C11orf58: variants seen among roughly 807,000 people sequenced by gnomAD.
C11orf58 encodes chromosome 11 open reading frame 58, also known as small acidic protein.
A neutral mutation model predicts 22.7 loss-of-function variants in C11orf58; 5 were observed. The ratio of observed to expected loss-of-function variants is 0.22; its 90% CI spans 0.12 to 0.46. The LOEUF is 0.46. C11orf58 is among the 20% of genes least tolerant of loss of function. The probability of loss-of-function intolerance (pLI) is 0.99; values close to 1 mark genes in which losing one functional copy is unlikely to be tolerated. For missense variants in C11orf58, 151 were observed against 223.3 expected (o/e 0.68, Z 2.06); for synonymous variants, 71 against 70.7 (o/e 1.00, Z -0.02).
intron 1 of C11orf58, among the ~76,000 whole-genome samples, 156 bp downstream of exon 1, chr11:16,738,997 C>G (rs571010015): frequency 6.6e-6 from 1 of 152,084 alleles, no homozygotes; most frequent in Non-Finnish European, 1.5e-5. Context: ...CTCCCTTAAT[C>G]TTTATGAGGG....
chr11:16,738,665 C>G lies in C11orf58; in HGVS notation c.-114C>G. ...CTGTGGCAGAGAAGGCCCGGAGGGG[C>G]TCTGCGTTCTGTAGTGGCGCTGCTT... On this transcript the variant is annotated 5_prime_UTR_variant, in exon 1 of 5. Transcript: ENST00000228136. The G allele has an allele frequency of 1.7e-6, 2 of 1,190,816 alleles. No homozygotes were observed. Among genetic ancestry groups the G allele is most frequent in the South Asian group, 1.2e-5 (1 of 81,664 alleles). 73.8% of individuals were successfully genotyped at this position (1,190,816 alleles called of 1,614,324 possible).
At position 16,757,622 on chromosome 11, in the gene C11orf58, A is replaced by G. The variant is rs1848591801; in HGVS notation, c.*2518A>G. Among the ~76,000 whole-genome samples the G allele has an allele frequency of 1.3e-5, 2 of 152,254 alleles. No individual in the cohort carries two copies. Among genetic ancestry groups the G allele is most frequent in the African/African-American group, 4.8e-5 (2 of 41,456 alleles). ...GTCTTGGTATCCATACTAAAAAAGT[A>G]TCAGGAAAATAGATTATTTTTGTGC... is the stretch of plus-strand genomic sequence containing the variant. On this transcript the variant is annotated 3_prime_UTR_variant, in exon 5 of 5. Coordinates refer to ENST00000228136, the MANE Select transcript of C11orf58 (RefSeq NM_014267.6).
intron 2 of C11orf58, chr11:16,747,579 AT>A (rs1198680580): frequency 6.6e-6 from 1 of 152,282 alleles, no homozygotes; most frequent in Non-Finnish European, 1.5e-5. Context: ...TTATTGTCAA[AT>A]AGTAAAGAGA....
At chr11:16,743,793 A>G (rs1442396755) in intron 1 of C11orf58, among the ~76,000 whole-genome samples, 1 of 152,064 alleles carries the variant, frequency 6.6e-6, no homozygotes, top group Non-Finnish European at 1.5e-5. Flanking sequence ...ATGAATTATA[A>G]ATAATGAACT....
rs1848575502 is a variant in C11orf58, at chr11:16,756,220, T to C, written c.*1116T>C. 2.0e-5 allele frequency: 3 copies of C among 151,954 alleles called. No homozygotes were observed. Among genetic ancestry groups the C allele is most frequent in the Admixed American group, 2.0e-4 (3 of 15,250 alleles). The allele number at this position is 151,954 out of a possible 1,614,324, so 9.4% of individuals were successfully genotyped here. A position where few individuals can be genotyped will look rare whatever the true frequency, so the allele number is the denominator to read the frequency against. ...AGTCACACCTGTTTGTGAGCTGAGC[T>C]ATTATACATCTACATACTTAAAGGA... On this transcript the variant is annotated 3_prime_UTR_variant, in exon 5 of 5. Coordinates refer to ENST00000228136, the MANE Select transcript of C11orf58 (RefSeq NM_014267.6).
intron 1 of C11orf58, 32 bp downstream of exon 1, chr11:16,738,873 G>T: frequency 3.1e-6 from 5 of 1,613,242 alleles, no homozygotes; most frequent in Admixed American, 3.3e-5. Flanking sequence ...GCTGAGGGTT[G>T]AGGCCTACTA....
intron 4 of C11orf58, among the ~76,000 whole-genome samples, chr11:16,754,486 A>C (rs1590076343): frequency 7.9e-6 from 1 of 126,492 alleles, no homozygotes; most frequent in African/African-American, 3.0e-5. Context: ...ATGCACCACC[A>C]TGCCTGGCTA....
At chr11:16,747,640 A>T (rs1420492695) in intron 2 of C11orf58, 1 of 153,456 alleles carries the variant, frequency 6.5e-6, no homozygotes, top group Non-Finnish European at 1.5e-5. Flanking sequence ...TTTATATGAT[A>T]CATTATAAGT....
intron 4 of C11orf58, 116 bp from the exon 5 acceptor site, chr11:16,754,755 T>G: frequency 6.7e-7 from 1 of 1,481,554 alleles, no homozygotes; most frequent in Non-Finnish European, 9.0e-7. Flanking sequence ...CTTAAAGCTG[T>G]TGTTCTAATG....
chr11:16,750,449 A>G (rs1341050971), intron 3 of C11orf58: 1 of 152,236 alleles, frequency 6.6e-6, no homozygotes, highest in Non-Finnish European at 1.5e-5. Flanking sequence ...GGCCTTTACT[A>G]CTGGTGAAGA....
intron 2 of C11orf58, among the ~76,000 whole-genome samples, chr11:16,746,049 C>T (rs1848485241): frequency 6.6e-6 from 1 of 152,150 alleles, no homozygotes; most frequent in East Asian, 1.9e-4. Flanking sequence ...CAGATAATAG[C>T]AATACAGAAT....
rs1848561879 is a variant in C11orf58 at position 16,754,747 on chromosome 11, T to G, written c.319-124T>G. The G allele has an allele frequency of 2.0e-6, 3 of 1,463,880 alleles. No homozygotes were observed. In the South Asian group the frequency reaches 4.2e-5, roughly 21 times the overall value. The allele number at this position is 1,463,880 out of a possible 1,614,324, so 90.7% of individuals were successfully genotyped here. A position where few individuals can be genotyped will look rare whatever the true frequency, so the allele number is the denominator to read the frequency against. ...CTTTCTTAAAATTCTACTCAAGTCTTAAAGCTGTTGTTCTAATGGCTACAA... is the reference window on the plus strand; with the variant it reads ...CTTTCTTAAAATTCTACTCAAGTCTGAAAGCTGTTGTTCTAATGGCTACAA... On this transcript the variant is annotated intron_variant, in intron 4 of 4. Transcript: ENST00000228136.
intron 1 of C11orf58, among the ~76,000 whole-genome samples, 191 bp downstream of exon 1, chr11:16,739,032 C>G (rs1160098146): frequency 6.6e-6 from 1 of 151,976 alleles, no homozygotes; most frequent in African/African-American, 2.4e-5. Context: ...GAGGCCCACA[C>G]GCTGAGAGCC....
chr11:16,744,739 T>G (rs1848475298), intron 2 of C11orf58, 55 bp downstream of exon 2: 1 of 1,473,706 alleles, frequency 6.8e-7, no homozygotes, highest in Admixed American at 1.7e-5. Context: ...TTGCCATTTT[T>G]ATGTATGCTA....
chr11:16,748,804 TATC>T (rs1176956652), intron 3 of C11orf58, among the ~76,000 whole-genome samples: 2 of 152,074 alleles, frequency 1.3e-5, no homozygotes, highest in Non-Finnish European at 2.9e-5. Context: ...AAGTATCAAT[TATC>T]ATGTACTTTG....
chr11:16,743,274 T>C (rs1848462242), intron 1 of C11orf58, among the ~76,000 whole-genome samples: 1 of 152,208 alleles, frequency 6.6e-6, no homozygotes, highest in South Asian at 2.1e-4. Flanking sequence ...ATAAACATTG[T>C]AAAAGATGAG....
chr11:16,740,229 C>A (rs1848435054), intron 1 of C11orf58, among the ~76,000 whole-genome samples: 1 of 152,158 alleles, frequency 6.6e-6, no homozygotes, highest in South Asian at 2.1e-4. Flanking sequence ...ATATCAGACA[C>A]CTGTTTGGAA....
At chr11:16,739,179 T>C (rs1034882742) in intron 1 of C11orf58, among the ~76,000 whole-genome samples, 5 of 151,922 alleles carry the variant, frequency 3.3e-5, no homozygotes, top group Non-Finnish European at 7.4e-5. Flanking sequence ...GTACTCAGTA[T>C]AGAGACGGCA....
At chr11:16,748,895 C>T (rs1297189997) in intron 3 of C11orf58, among the ~76,000 whole-genome samples, 3 of 152,060 alleles carry the variant, frequency 2.0e-5, no homozygotes, top group Non-Finnish European at 4.4e-5. Flanking sequence ...TCCATTTTTA[C>T]TGATTCAGAA....
Sources: gnomAD v4.1 joint callset for allele counts (sites outside exome capture counted in the v4.1 genomes callset) on GRCh38, gnomAD v4.1.1 for gene constraint, MANE v1.5 for transcripts, NCBI Gene and HGNC (gene_info 2026-07-23, HGNC 2026-07-21) for gene names.